Variants in NEK11 observed in about 807,000 individuals in gnomAD.
NEK11 encodes the protein serine/threonine-protein kinase Nek11.
In NEK11, 72 loss-of-function variants were observed where a neutral mutation model predicts 80.7. That is an observed-to-expected ratio of 0.89 (90% CI 0.74 to 1.08). NEK11 has a LOEUF of 1.08. Among genes scored for constraint, NEK11 ranks in the 50% least tolerant of loss-of-function variants. The pLI is 0.00. For synonymous variants in NEK11, 251 were observed against 260.7 expected, an observed-to-expected ratio of 0.96 and a Z score of 0.36; for missense variants, 764 against 763.6, an observed-to-expected ratio of 1.00 and a Z score of -0.01.
intron 14 of NEK11, chr3:131,174,952 C>T: frequency 2.8e-6 from 4 of 1,407,674 alleles, no homozygotes; most frequent in Non-Finnish European, 3.7e-6. Flanking sequence ...TCCTGTTCAG[C>T]CACTCTTTAA....
At chr3:131,238,939 A>G (rs1338282797) in intron 15 of NEK11, among the ~76,000 whole-genome samples, 2 of 152,108 alleles carry the variant, frequency 1.3e-5, no homozygotes, top group Admixed American at 6.6e-5. Flanking sequence ...ATCATTAATA[A>G]TTACATCAAA....
intron 16 of NEK11, among the ~76,000 whole-genome samples, chr3:131,251,200 C>CAAA (rs770059749): frequency 0.022 from 1,978 of 90,854 alleles, 22 homozygotes; most frequent in African/African-American, 0.035. Context: ...AAGGTAAATA[C>CAAA]AAAAAAAAAA....
At chr3:131,034,903 A>T (rs2065418833) in intron 3 of NEK11, among the ~76,000 whole-genome samples, 1 of 152,104 alleles carries the variant, frequency 6.6e-6, no homozygotes, top group Non-Finnish European at 1.5e-5. Context: ...ACTCAATATT[A>T]TCTTACTTGT....
At chr3:131,210,178 G>A (rs1324918084) in intron 14 of NEK11, among the ~76,000 whole-genome samples, 3 of 152,160 alleles carry the variant, frequency 2.0e-5, no homozygotes, top group Admixed American at 6.5e-5. Context: ...ATTCTGGTAT[G>A]TTGTGTCTTT....
At chr3:131,058,045 C>T (rs1350448772) in intron 3 of NEK11, among the ~76,000 whole-genome samples, 48 of 151,466 alleles carry the variant, frequency 3.2e-4, no homozygotes, top group Non-Finnish European at 1.0e-4. Flanking sequence ...GTCTTTAATC[C>T]ATCTTGAATT....
In NEK11 at chr3:131,097,736, G is replaced by A. The variant is rs541026169; in HGVS notation, c.337-12067G>A. On this transcript the variant is annotated intron_variant, in intron 4 of 17. Transcript: ENST00000383366. ...CGTGAAAATGGCCATACTGCCCAAG[G>A]TAATTTATAGATTCAATGCCATCCC... Among the ~76,000 whole-genome samples the A allele has an allele frequency of 8.4e-3, 1,255 of 149,316 alleles. 19 individuals carry two copies. The highest frequency in any genetic ancestry group is 0.029 in the African/African-American group (1,192 of 40,990).
chr3:131,147,271 G>GT (rs889959456), intron 7 of NEK11, among the ~76,000 whole-genome samples: 2 of 151,738 alleles, frequency 1.3e-5, no homozygotes, highest in African/African-American at 4.8e-5. Flanking sequence ...ATCCAAGTAC[G>GT]TTTTTTTCTA....
chr3:131,032,777 A>G (rs941793350), intron 3 of NEK11, among the ~76,000 whole-genome samples: 2 of 152,222 alleles, frequency 1.3e-5, no homozygotes, highest in Non-Finnish European at 2.9e-5. Flanking sequence ...GCCTATTTAT[A>G]TAAGATTTAG....
intron 7 of NEK11, among the ~76,000 whole-genome samples, chr3:131,135,355 T>C (rs1259716505): frequency 6.6e-6 from 1 of 152,188 alleles, no homozygotes; most frequent in Non-Finnish European, 1.5e-5. Flanking sequence ...TTCTGTCTTC[T>C]TTCCTTCTAA....
intron 17 of NEK11, chr3:131,329,065 C>A (rs1419517989): frequency 6.6e-6 from 1 of 152,282 alleles, no homozygotes; most frequent in South Asian, 2.1e-4. Flanking sequence ...TGCATAGAAT[C>A]CCTTTTTAAA....
intron 17 of NEK11, among the ~76,000 whole-genome samples, chr3:131,338,003 C>T (rs1397637464): frequency 6.6e-5 from 10 of 151,960 alleles, no homozygotes; most frequent in East Asian, 1.9e-4. Context: ...AGGGCAGTGG[C>T]GTGATCTCAG....
At chr3:131,051,616 TTAAA>T (rs1246987000) in intron 3 of NEK11, among the ~76,000 whole-genome samples, 1 of 152,220 alleles carries the variant, frequency 6.6e-6, no homozygotes, top group Non-Finnish European at 1.5e-5. Context: ...CAATCAGAGT[TTAAA>T]TATGGATTTA....
rs759751535 is a variant in NEK11 at position 131,129,052 on chromosome 3, C to CTTTTT, written c.456-3678_456-3674dup. 2.0e-4 allele frequency among the ~76,000 whole-genome samples: 22 copies of CTTTTT among 109,540 alleles called. 1 individual carries two copies. The highest frequency in any genetic ancestry group is 5.1e-4 in the African/African-American group (14 of 27,484). The allele number at this position is 109,540 out of a possible 152,430, so 71.9% of individuals were successfully genotyped here. A position where few individuals can be genotyped will look rare whatever the true frequency, so the allele number is the denominator to read the frequency against. ...TTCTTTGTATATTTTGGATAACAGT[C>CTTTTT]TTTTTTTTTTTTTTTTTTTGAGACT... On this transcript the variant is annotated intron_variant, in intron 5 of 17. Coordinates refer to ENST00000383366, the MANE Select transcript of NEK11 (RefSeq NM_024800.5).
chr3:131,283,851 G>T (rs1428024285), intron 17 of NEK11, among the ~76,000 whole-genome samples: 1 of 152,032 alleles, frequency 6.6e-6, no homozygotes, highest in East Asian at 1.9e-4. Flanking sequence ...AGCAAATAAG[G>T]GTTCCTTACC....
At chr3:131,293,501 T>C (rs1243337522) in intron 17 of NEK11, among the ~76,000 whole-genome samples, 1 of 152,060 alleles carries the variant, frequency 6.6e-6, no homozygotes, top group African/African-American at 2.4e-5. Context: ...AAATATTTTG[T>C]TAAAACTTTT....
At chr3:131,227,225 T>C (rs2095226267) in intron 14 of NEK11, among the ~76,000 whole-genome samples, 7 of 152,182 alleles carry the variant, frequency 4.6e-5, no homozygotes, top group Admixed American at 4.6e-4. Context: ...TGGGAAACCA[T>C]AGATAACAAA....
intron 3 of NEK11, among the ~76,000 whole-genome samples, chr3:131,037,462 T>G (rs1252919877): frequency 6.6e-6 from 1 of 152,244 alleles, no homozygotes; most frequent in Non-Finnish European, 1.5e-5. Context: ...TTTTGTATAT[T>G]TAGTAGAGAC....
At chr3:131,297,981 C>T (rs1279360007) in intron 17 of NEK11, among the ~76,000 whole-genome samples, 12 of 151,406 alleles carry the variant, frequency 7.9e-5, no homozygotes, top group South Asian at 6.3e-4. Flanking sequence ...TGTAGATATG[C>T]GGCGTTATTT....
chr3:131,203,767 G>GTATATA (rs150951735), intron 14 of NEK11, among the ~76,000 whole-genome samples: 9 of 54,180 alleles, frequency 1.7e-4, no homozygotes, highest in South Asian at 8.9e-4. Flanking sequence ...GTGTGTGTGT[G>GTATATA]TATATATATA....
Sources: gnomAD v4.1 joint callset for allele counts (sites outside exome capture counted in the v4.1 genomes callset) on GRCh38, gnomAD v4.1.1 for gene constraint, MANE v1.5 for transcripts, NCBI Gene and HGNC (gene_info 2026-07-23, HGNC 2026-07-21) for gene names.